The following PLIN3 variants were observed in gnomAD, a reference collection of about 807,000 sequenced individuals.
The protein encoded by PLIN3 is perilipin-3.
Under a neutral mutation model 35.9 loss-of-function variants are expected in PLIN3, and 30 were observed. That is an observed-to-expected ratio of 0.84 (90% CI 0.62 to 1.13). The LOEUF (loss-of-function observed/expected upper bound fraction) is 1.13, where lower values mean the gene tolerates loss of function less well. PLIN3 is among the 50% of genes most tolerant of loss of function. PLIN3 has a pLI of 0.00. For missense variants in PLIN3, 603 were observed against 596.9 expected (o/e 1.01, Z -0.11); for synonymous variants, 261 against 262.5 (o/e 0.99, Z 0.06).
intron 7 of PLIN3, among the ~76,000 whole-genome samples, chr19:4,843,282 G>A (rs999156088): frequency 5.9e-5 from 9 of 151,920 alleles, no homozygotes; most frequent in Middle Eastern, 3.2e-3. Flanking sequence ...CGAGGCGGGC[G>A]GATCACAAGG....
intron 1 of PLIN3, among the ~76,000 whole-genome samples, chr19:4,863,132 G>C (rs262544): frequency 0.55 from 83,199 of 151,414 alleles, 23,519 homozygotes; most frequent in Non-Finnish European, 0.61. Context: ...ACTCCAGCCT[G>C]GGCAACAGAG....
In PLIN3 at chr19:4,862,644, C is replaced by G. The variant is rs550059212; in HGVS notation, c.-17-1233G>C. The stretch of plus-strand genomic sequence containing the variant: ...AGGCTTGGGAACAGTCCCTTCAGGG[C>G]TCACCTGTACTCCAGCAAGCCAGGT... On this transcript the variant is annotated intron_variant, in intron 1 of 7. Transcript: ENST00000221957. Among the ~76,000 whole-genome samples, 4 of 152,296 alleles carry G rather than the reference C, an allele frequency of 2.6e-5. No individual in the cohort carries two copies. In the South Asian group the frequency reaches 8.3e-4, roughly 32 times the overall value.
At chr19:4,858,440 C>T (rs528063474) in intron 4 of PLIN3, among the ~76,000 whole-genome samples, 66 of 151,110 alleles carry the variant, frequency 4.4e-4, no homozygotes, top group Admixed American at 3.0e-3. Flanking sequence ...TGTAGTGGCG[C>T]GATCTCAGCT....
At chr19:4,841,604 T>TAAA (rs370959554) in intron 7 of PLIN3, among the ~76,000 whole-genome samples, 1 of 140,860 alleles carries the variant, frequency 7.1e-6, no homozygotes, top group Non-Finnish European at 1.5e-5. Context: ...ATAAAACTGT[T>TAAA]AAAAAAAAAA....
Position 4,849,676 on chromosome 19 carries a change from A to T in PLIN3, c.635-1786T>A, listed in dbSNP as rs538390837. On this transcript the variant is annotated intron_variant, in intron 5 of 7. Transcript: ENST00000221957. ...ATTTATTTATTTATTTTTTTGAGAC[A>T]GAGTCTCACTCTGTTGCCCAGGCTG... Among the ~76,000 whole-genome samples, 16 of 151,594 alleles carry T rather than the reference A, an allele frequency of 1.1e-4. No homozygotes were observed. The South Asian group carries it at 1.7e-3, about 16-fold the overall frequency.
In PLIN3 at chr19:4,847,592, G is replaced by A. The variant is rs2030143111; in HGVS notation, c.834+99C>T. 7.0e-6 allele frequency: 7 copies of A among 1,004,298 alleles called. No homozygotes were observed. In the South Asian group the frequency reaches 9.9e-5, roughly 14 times the overall value. The allele number at this position is 1,004,298 out of a possible 1,614,324, so 62.2% of individuals were successfully genotyped here. A position where few individuals can be genotyped will look rare whatever the true frequency, so the allele number is the denominator to read the frequency against. On this transcript the variant is annotated intron_variant, in intron 6 of 7. Coordinates refer to ENST00000221957, the MANE Select transcript of PLIN3 (RefSeq NM_005817.5). ...GGAGCAAGCGGGAATGGCCCTGCCA[G>A]CCTGCAGAGGGGTGAGCAATAAGCC...
intron 2 of PLIN3, 47 bp downstream of exon 2, chr19:4,861,282 C>A: frequency 6.5e-7 from 1 of 1,548,816 alleles, no homozygotes; most frequent in Non-Finnish European, 8.9e-7. Flanking sequence ...CCTCCTTGCA[C>A]GGGAATCACA....
intron 2 of PLIN3, among the ~76,000 whole-genome samples, chr19:4,860,593 C>A (rs1483887183): frequency 6.6e-6 from 1 of 152,192 alleles, no homozygotes; most frequent in Non-Finnish European, 1.5e-5. Context: ...CAGTTCCATT[C>A]TCATGGCAGT....
chr19:4,859,886 T>C lies in PLIN3; in HGVS notation c.205A>G (p.Thr69Ala), dbSNP rs374429923. 6.2e-7 allele frequency: 1 copy of C among 1,613,652 alleles called. No homozygotes were observed. Among genetic ancestry groups the C allele is most frequent in the Admixed American group, 1.7e-5 (1 of 59,988 alleles). Reference sequence around the variant, plus strand: ...CCGCTGACAGCAGCCGCCGTGAGGGTCCTCACTCCCTTCTCTGCTGCGTCG... The same window carrying C: ...CCGCTGACAGCAGCCGCCGTGAGGGCCCTCACTCCCTTCTCTGCTGCGTCG... The part of the protein sequence containing the change: ...VCDAAEKGVR[T>A]LTAAAVSGAQ... The change falls in exon 3 of 8, where the codon ACC becomes GCC. Residue 69 changes from threonine to alanine, a missense_variant. Transcript: ENST00000221957.
intron 4 of PLIN3, among the ~76,000 whole-genome samples, chr19:4,858,691 T>G (rs1599172343): frequency 1.6e-5 from 1 of 63,318 alleles, no homozygotes; most frequent in African/African-American, 5.0e-5. Flanking sequence ...CAGAATATGG[T>G]GTTTTTTTGG....
At chr19:4,861,217 C>T in intron 2 of PLIN3, 112 bp downstream of exon 2, 1 of 868,288 alleles carries the variant, frequency 1.2e-6, no homozygotes, top group African/African-American at 1.6e-5. Context: ...CCCTCTGGCT[C>T]CGTGAGCTGC....
At chr19:4,851,212 A>G (rs2030278421) in intron 5 of PLIN3, among the ~76,000 whole-genome samples, 1 of 152,094 alleles carries the variant, frequency 6.6e-6, no homozygotes, top group Non-Finnish European at 1.5e-5. Context: ...CACACCTGTA[A>G]TCCCAGTACT....
Position 4,840,876 on chromosome 19 carries a change from C to T in PLIN3, c.961-1340G>A, listed in dbSNP as rs191731652. Among the ~76,000 whole-genome samples the T allele has an allele frequency of 3.9e-3, 589 of 152,212 alleles. 5 individuals carry two copies. The highest frequency in any genetic ancestry group is 0.014 in the African/African-American group (562 of 41,558). ...AGAAGAACTGCTTGCACCCAGGAGGCGGAGGTTGCAGTGAGCCAAGATCAT... is the reference window on the plus strand; with the variant it reads ...AGAAGAACTGCTTGCACCCAGGAGGTGGAGGTTGCAGTGAGCCAAGATCAT... On this transcript the variant is annotated intron_variant, in intron 7 of 7. Coordinates refer to ENST00000221957, the MANE Select transcript of PLIN3 (RefSeq NM_005817.5).
At chr19:4,862,143 T>TC (rs1395203164) in intron 1 of PLIN3, among the ~76,000 whole-genome samples, 2 of 150,360 alleles carry the variant, frequency 1.3e-5, no homozygotes, top group African/African-American at 4.9e-5. Context: ...CTTTTTTTTT[T>TC]TTTTTTGAGA....
At chr19:4,847,620 T>G in intron 6 of PLIN3, 71 bp downstream of exon 6, 104 of 1,326,902 alleles carry the variant, frequency 7.8e-5, no homozygotes, top group Non-Finnish European at 1.0e-4. Flanking sequence ...AATAAGCCAC[T>G]GAGCTCTGGG....
At chr19:4,855,519 T>C (rs1348040474) in intron 4 of PLIN3, among the ~76,000 whole-genome samples, 3 of 151,642 alleles carry the variant, frequency 2.0e-5, no homozygotes, top group African/African-American at 4.8e-5. Context: ...TGGCTGGGCA[T>C]AGTGGCTCAC....
intron 6 of PLIN3, among the ~76,000 whole-genome samples, chr19:4,846,451 C>A (rs1247891619): frequency 1.3e-5 from 2 of 152,020 alleles, no homozygotes; most frequent in Non-Finnish European, 2.9e-5. Flanking sequence ...GTAATCCCAG[C>A]ACTTTGGGAG....
At chr19:4,855,248 T>TGAAAAA (rs1375626010) in intron 4 of PLIN3, among the ~76,000 whole-genome samples, 265 of 8,590 alleles carry the variant, frequency 0.031, 109 homozygotes, top group Admixed American at 0.043. Flanking sequence ...AGACTCCATC[T>TGAAAAA]GAAAAAAAAA....
chr19:4,847,903 G>A lies in PLIN3; in HGVS notation c.635-13C>T, dbSNP rs760924315. 2 of 1,606,206 alleles carry A rather than the reference G, an allele frequency of 1.2e-6. No homozygotes were observed. Among genetic ancestry groups the A allele is most frequent in the Non-Finnish European group, 1.7e-6 (2 of 1,174,806 alleles). ...GTGGCGATGCGGGCTGCAAGGAAAA[G>A]GAGAAGGGTCTCTGTGAAGACCAGA... is the stretch of plus-strand genomic sequence containing the variant. On this transcript the variant is annotated splice_polypyrimidine_tract_variant and intron_variant, in intron 5 of 7. Coordinates refer to ENST00000221957, the MANE Select transcript of PLIN3 (RefSeq NM_005817.5).
Sources: allele counts gnomAD v4.1 joint callset (sites outside exome capture counted in the v4.1 genomes callset), GRCh38; gene constraint gnomAD v4.1.1; transcripts MANE v1.5; gene names NCBI Gene and HGNC (gene_info 2026-07-23, HGNC 2026-07-21).